PSME4: variants seen among roughly 807,000 people sequenced by gnomAD.
PSME4 encodes the protein proteasome activator complex subunit 4.
A neutral mutation model predicts 253.9 loss-of-function variants in PSME4; 89 were observed. The observed-to-expected ratio is 0.35, with a 90% confidence interval of 0.30 to 0.42. The LOEUF is 0.42. Among genes scored for constraint, PSME4 ranks in the 10% least tolerant of loss-of-function variants. The pLI is 1.00. For missense variants in PSME4, 2,014 were observed against 2,195.2 expected (o/e 0.92, Z 1.65); for synonymous variants, 851 against 759.2 (o/e 1.12, Z -1.99).
intron 1 of PSME4, among the ~76,000 whole-genome samples, chr2:53,963,512 AC>A (rs1390093382): frequency 6.6e-6 from 1 of 152,132 alleles, no homozygotes; most frequent in Non-Finnish European, 1.5e-5. Context: ...CTGTACACTA[AC>A]CTATGAGCCT....
At position 53,923,419 on chromosome 2, in the gene PSME4, C is replaced by T. The variant is rs780708780; in HGVS notation, c.1810G>A (p.Val604Met). Residue 604 changes from valine to methionine, a missense_variant and splice_region_variant, in exon 15 of 47, where the codon GTG (valine) becomes ATG (methionine). This residue lies in a region of PSME4 where 989 missense variants were observed against 1,021.1 expected (regional missense o/e 0.97). Coordinates refer to ENST00000404125, the MANE Select transcript of PSME4 (RefSeq NM_014614.3). ...LTQCSKEIFM[V>M]ALQKVFNFST... ...AAATTAAAAACCTTCTGAAGGGCCA[C>T]CTGTTAAGATATGAAAATGTTTAAT... is the stretch of plus-strand genomic sequence containing the variant. 4.4e-6 allele frequency: 7 copies of T among 1,592,694 alleles called. No homozygotes were observed. Among genetic ancestry groups the T allele is most frequent in the Non-Finnish European group, 6.0e-6 (7 of 1,173,088 alleles).
In PSME4 at chr2:53,908,553, T is replaced by C. The variant is rs552957870; in HGVS notation, c.2642A>G (p.Asp881Gly). ...TGACTTAGTATCATCTTCTGAATTA[T>C]CAAGTATGTGGTCTATAATGGAAGA... ...VIRKLLNHIL[D>G]NSEDDTKSLF... The change falls in exon 23 of 47, where the codon GAT (aspartate) becomes GGT (glycine). Residue 881 changes from aspartate to glycine, a missense_variant. Physicochemically the swap from Asp to Gly is moderately conservative, Grantham distance 94. Coordinates refer to ENST00000404125, the MANE Select transcript of PSME4 (RefSeq NM_014614.3). 3.7e-6 allele frequency: 6 copies of C among 1,607,372 alleles called. No homozygotes were observed. The African/African-American group carries it at 8.0e-5, about 22-fold the overall frequency.
chr2:53,945,754 T>C (rs188189128), intron 3 of PSME4, among the ~76,000 whole-genome samples: 80 of 152,298 alleles, frequency 5.3e-4, no homozygotes, highest in African/African-American at 1.8e-3. Context: ...ATTATAAAAA[T>C]AGCATTCTAA....
At chr2:53,892,118 T>C (rs902432844) in intron 36 of PSME4, among the ~76,000 whole-genome samples, 2 of 152,200 alleles carry the variant, frequency 1.3e-5, no homozygotes, top group Non-Finnish European at 2.9e-5. Context: ...ATGACAAGAA[T>C]ACATGTGACA....
At chr2:53,896,686 ATT>A (rs1304260879) in intron 32 of PSME4, 116 bp downstream of exon 32, 12 of 719,014 alleles carry the variant, frequency 1.7e-5, no homozygotes, top group Non-Finnish European at 1.9e-5. Context: ...TATTATTTAT[ATT>A]TTGTGTTAAT....
At position 53,895,624 on chromosome 2, in the gene PSME4, G is replaced by A. The variant is rs1198238674; in HGVS notation, c.3801C>T (p.Cys1267=). 6.2e-7 allele frequency: 1 copy of A among 1,613,042 alleles called. No individual in the cohort carries two copies. The highest frequency in any genetic ancestry group is 8.5e-7 in the Non-Finnish European group (1 of 1,179,694). Residue 1267 remains cysteine, a synonymous_variant, in exon 33 of 47, where the codon TGC becomes TGT. Transcript: ENST00000404125. ...ATCCCCAGTGAGTTTTTTCCACAAA[G>A]CAACTTGACTCCCATTCTTTTTTAG... ...PRTKKEWESS[C]FVEKTHWGYY... is the part of the protein sequence containing the mutation.
intron 44 of PSME4, 131 bp from the exon 45 acceptor site, chr2:53,867,011 T>C (rs750957070): frequency 1.2e-6 from 1 of 826,832 alleles, no homozygotes; most frequent in Non-Finnish European, 1.9e-6. Flanking sequence ...TGAATCTACA[T>C]GTAAACACAT....
At chr2:53,902,924 G>A (rs898912136) in intron 27 of PSME4, among the ~76,000 whole-genome samples, 5 of 152,044 alleles carry the variant, frequency 3.3e-5, no homozygotes, top group East Asian at 1.9e-4. Context: ...AGATGTTTAG[G>A]GCTCGTCTTC....
chr2:53,915,677 TAC>T (rs1214610262), intron 20 of PSME4, among the ~76,000 whole-genome samples: 4 of 152,046 alleles, frequency 2.6e-5, no homozygotes, highest in Admixed American at 6.6e-5. Context: ...AGACTACTAA[TAC>T]ACACACGGCA....
chr2:53,866,081 T>G lies in PSME4; in HGVS notation c.*4+4A>C, dbSNP rs2104405188. 1 of 1,605,534 alleles carries G rather than the reference T, an allele frequency of 6.2e-7. No individual in the cohort carries two copies. Among genetic ancestry groups the G allele is most frequent in the East Asian group, 2.2e-5 (1 of 44,576 alleles). ...AATGTAAATTCAGAACTTTGCTGAC[T>G]TACCTTTCTATGCATAATAGCATGG... On this transcript the variant is annotated splice_donor_region_variant and intron_variant, in intron 46 of 46. Coordinates refer to ENST00000404125, the MANE Select transcript of PSME4 (RefSeq NM_014614.3).
At position 53,936,249 on chromosome 2, in the gene PSME4, T is replaced by A. The variant is rs186856548; in HGVS notation, c.760-88A>T. The A allele has an allele frequency of 5.8e-5, 91 of 1,562,088 alleles. No homozygotes were observed. In the African/African-American group the frequency reaches 1.0e-3, roughly 18 times the overall value. On this transcript the variant is annotated intron_variant, in intron 6 of 46. Transcript: ENST00000404125. ...ACACCCCTCCTCCATTTGTTCTTTT[T>A]GGCAATCATTAGTGCAATCTACTTA...
At chr2:53,931,287 T>G (rs1240603661) in intron 10 of PSME4, among the ~76,000 whole-genome samples, 8 of 151,618 alleles carry the variant, frequency 5.3e-5, no homozygotes, top group Admixed American at 5.3e-4. Flanking sequence ...AAAAGAAAAG[T>G]AGCTGTCTCT....
chr2:53,888,847 G>T (rs772105116), intron 37 of PSME4, 35 bp from the exon 38 acceptor site: 1 of 1,452,208 alleles, frequency 6.9e-7, no homozygotes. Flanking sequence ...GTTCAACAGA[G>T]AACCTACAAT....
chr2:53,865,091 T>C lies in PSME4; in HGVS notation c.*487A>G, dbSNP rs1222428038. The C allele has an allele frequency of 6.6e-6, 1 of 152,658 alleles. No homozygotes were observed. The highest frequency in any genetic ancestry group is 2.4e-5 in the African/African-American group (1 of 41,434). 9.5% of individuals were successfully genotyped at this position (152,658 alleles called of 1,614,324 possible). ...TTGCCCTCTTTTCCTTCCCTCTTCA[T>C]GGCTCTCCAGACCCAAGGTTCTCAA... On this transcript the variant is annotated 3_prime_UTR_variant, in exon 47 of 47. Coordinates refer to ENST00000404125, the MANE Select transcript of PSME4 (RefSeq NM_014614.3).
chr2:53,911,219 C>T (rs1257283403), intron 20 of PSME4, among the ~76,000 whole-genome samples: 1 of 152,202 alleles, frequency 6.6e-6, no homozygotes, highest in South Asian at 2.1e-4. Flanking sequence ...GCAACAATAC[C>T]TTCTCAAGTT....
intron 14 of PSME4, among the ~76,000 whole-genome samples, chr2:53,925,163 A>C (rs1043552670): frequency 1.3e-5 from 2 of 152,198 alleles, no homozygotes; most frequent in Non-Finnish European, 2.9e-5. Flanking sequence ...CACCAATAAG[A>C]AGCAAAAAAA....
intron 20 of PSME4, among the ~76,000 whole-genome samples, 182 bp from the exon 21 acceptor site, chr2:53,910,312 A>G (rs1019810655): frequency 1.3e-5 from 2 of 152,216 alleles, no homozygotes; most frequent in African/African-American, 4.8e-5. Flanking sequence ...CTGTTTCAGT[A>G]AGAATCATGT....
At chr2:53,868,079 A>G (rs1227755254) in intron 44 of PSME4, among the ~76,000 whole-genome samples, 2 of 152,100 alleles carry the variant, frequency 1.3e-5, no homozygotes, top group African/African-American at 4.8e-5. Flanking sequence ...AGGAAAAGAG[A>G]ATTTGGACTG....
At chr2:53,965,377 G>A (rs539786178) in intron 1 of PSME4, among the ~76,000 whole-genome samples, 13 of 151,496 alleles carry the variant, frequency 8.6e-5, no homozygotes, top group African/African-American at 1.2e-4. Flanking sequence ...GTCTATAGGC[G>A]AGTGCCACCA....
Sources: allele counts gnomAD v4.1 joint callset (sites outside exome capture counted in the v4.1 genomes callset), GRCh38; gene constraint gnomAD v4.1.1; regional missense constraint gnomAD v4.1.1; transcripts MANE v1.5; gene names NCBI Gene and HGNC (gene_info 2026-07-23, HGNC 2026-07-21).